RXRA: variants seen among roughly 807,000 people sequenced by gnomAD.
RXRA encodes the protein retinoid X receptor alpha.
In RXRA, 5 loss-of-function variants were observed where a neutral mutation model predicts 44.5. The ratio of observed to expected loss-of-function variants is 0.11; its 90% CI spans 0.06 to 0.24. RXRA has a LOEUF of 0.24. Among genes scored for constraint, RXRA ranks in the 10% least tolerant of loss-of-function variants. RXRA has a pLI of 1.00. For missense variants in RXRA, 412 were observed against 646.5 expected (o/e 0.64, Z 3.93); for synonymous variants, 291 against 271.4 (o/e 1.07, Z -0.71).
At position 134,417,362 on chromosome 9, in the gene RXRA, A is replaced by T. The variant is rs1166485960; in HGVS notation, c.780+35A>T. ...AGCCTGTGCAGGGGTGGGCAGCCTC[A>T]CATGCCTCAGTTTCCCTCACTCACT... On this transcript the variant is annotated intron_variant, in intron 5 of 9. Coordinates refer to ENST00000481739, the MANE Select transcript of RXRA (RefSeq NM_002957.6). The surrounding 1 kb of genome is among the most constrained non-coding windows in gnomAD (Gnocchi z 6.1). 3 of 1,602,652 alleles carry T rather than the reference A, an allele frequency of 1.9e-6. No homozygotes were observed. The highest frequency in any genetic ancestry group is 2.6e-6 in the Non-Finnish European group (3 of 1,172,260).
rs1367739117 is a variant in RXRA, at chr9:134,417,942, G to T, written c.780+615G>T. ...GGGTGGGCCGCAGCCCTGGTCCCGG[G>T]CTCTTCTCCTGGGCTGGCTCCAGCT... On this transcript the variant is annotated intron_variant, in intron 5 of 9. Coordinates refer to ENST00000481739, the MANE Select transcript of RXRA (RefSeq NM_002957.6). The surrounding 1 kb of genome is among the most constrained non-coding windows in gnomAD (Gnocchi z 6.1). Among the ~76,000 whole-genome samples, 1 of 152,128 alleles carries T rather than the reference G, an allele frequency of 6.6e-6. No individual in the cohort carries two copies. Among genetic ancestry groups the T allele is most frequent in the Non-Finnish European group, 1.5e-5 (1 of 68,008 alleles).
Position 134,434,115 on chromosome 9 carries a change from C to G in RXRA, c.1149C>G (p.Leu383=). ...TCTTCCTTTCAGACTCCAAGGGGCT[C>G]TCGAACCCGGCCGAGGTGGAGGCGC... The part of the protein sequence containing the change: ...IVLFNPDSKG[L]SNPAEVEALR... The change falls in exon 9 of 10, where the codon CTC becomes CTG. Residue 383 remains leucine (L), a synonymous_variant. Coordinates refer to ENST00000481739, the MANE Select transcript of RXRA (RefSeq NM_002957.6). 6.2e-7 allele frequency: 1 copy of G among 1,613,588 alleles called. No homozygotes were observed. Among genetic ancestry groups the G allele is most frequent in the South Asian group, 1.1e-5 (1 of 91,074 alleles).
Position 134,329,482 on chromosome 9 carries a change from A to G in RXRA, c.28+2823A>G, listed in dbSNP as rs527454889. 5.9e-5 allele frequency among the ~76,000 whole-genome samples: 9 copies of G among 152,260 alleles called. No individual in the cohort carries two copies. In the South Asian group the frequency reaches 1.4e-3, roughly 25 times the overall value. On this transcript the variant is annotated intron_variant, in intron 1 of 9. Coordinates refer to ENST00000481739, the MANE Select transcript of RXRA (RefSeq NM_002957.6). ...GGTGGCCCTGGCTTGCTAGCCTCCA[A>G]CCTTGCCTAGGGCTGGCTGCTGGGC...
chr9:134,331,566 C>T (rs1347526026), intron 1 of RXRA, among the ~76,000 whole-genome samples: 1 of 152,210 alleles, frequency 6.6e-6, no homozygotes, highest in Non-Finnish European at 1.5e-5. Context: ...GTTTGTTGGC[C>T]TCCTTTTTTT....
intron 1 of RXRA, among the ~76,000 whole-genome samples, chr9:134,364,257 G>A (rs968036128): frequency 6.6e-6 from 1 of 152,246 alleles, no homozygotes; most frequent in Non-Finnish European, 1.5e-5. Context: ...TGCGGTGGGA[G>A]CTTGTGCTGG....
chr9:134,350,892 C>T (rs1258448901), intron 1 of RXRA, among the ~76,000 whole-genome samples: 4 of 152,240 alleles, frequency 2.6e-5, no homozygotes, highest in Non-Finnish European at 4.4e-5. Context: ...CTCATCTGTA[C>T]CCAGGGCCAA....
chr9:134,415,177 C>T (rs889134582), intron 4 of RXRA, among the ~76,000 whole-genome samples: 16 of 152,194 alleles, frequency 1.1e-4, no homozygotes, highest in Admixed American at 9.8e-4. Flanking sequence ...GGAAGTCCCT[C>T]GCTCAAGCCA....
rs1201514378 is a variant in RXRA at position 134,422,430 on chromosome 9, T to G, written c.910+625T>G. On this transcript the variant is annotated intron_variant, in intron 6 of 9. Transcript: ENST00000481739. ...GTGACATTCCACTCTCCCTGGACGC[T>G]CCCCTCTCCCTAGACACTCCCTACT... The G allele has an allele frequency of 4.1e-6, 5 of 1,231,492 alleles. No homozygotes were observed. In the East Asian group the frequency reaches 2.5e-4, roughly 61 times the overall value. The allele number at this position is 1,231,492 out of a possible 1,614,324, so 76.3% of individuals were successfully genotyped here. A position where few individuals can be genotyped will look rare whatever the true frequency, so the allele number is the denominator to read the frequency against.
At position 134,374,593 on chromosome 9, in the gene RXRA, A is replaced by G. The variant is rs146400137; in HGVS notation, c.29-27039A>G. ...CCCAGACCAAACCCCCACAACCTCCACATGTTGAGCCCCGAGCAAATGCCG... is the reference window on the plus strand; with the variant it reads ...CCCAGACCAAACCCCCACAACCTCCGCATGTTGAGCCCCGAGCAAATGCCG... On this transcript the variant is annotated intron_variant, in intron 1 of 9. Transcript: ENST00000481739. 1.6e-4 allele frequency among the ~76,000 whole-genome samples: 24 copies of G among 152,206 alleles called. No individual in the cohort carries two copies. In the East Asian group the frequency reaches 3.1e-3, roughly 20 times the overall value.
At chr9:134,369,886 G>C (rs912611174) in intron 1 of RXRA, among the ~76,000 whole-genome samples, 1 of 152,194 alleles carries the variant, frequency 6.6e-6, no homozygotes, top group African/African-American at 2.4e-5. Context: ...ACAGTCCCGT[G>C]TGTGCGGGTG....
intron 1 of RXRA, among the ~76,000 whole-genome samples, chr9:134,330,314 C>T (rs1258943872): frequency 2.6e-5 from 4 of 152,218 alleles, no homozygotes; most frequent in Admixed American, 2.6e-4. Context: ...CTTTGGTGGC[C>T]AGGGCCTTGG....
At chr9:134,329,063 G>T (rs1834961522) in intron 1 of RXRA, among the ~76,000 whole-genome samples, 1 of 152,238 alleles carries the variant, frequency 6.6e-6, no homozygotes, top group Non-Finnish European at 1.5e-5. Context: ...ATCCTGAATG[G>T]TGGGACTCAG....
intron 4 of RXRA, among the ~76,000 whole-genome samples, chr9:134,411,016 C>G (rs1831139581): frequency 6.6e-6 from 1 of 152,182 alleles, no homozygotes; most frequent in South Asian, 2.1e-4. Flanking sequence ...GCCTCGGGCA[C>G]CCGGTGAGAC....
intron 1 of RXRA, among the ~76,000 whole-genome samples, chr9:134,338,061 C>G (rs918939113): frequency 2.8e-4 from 42 of 152,142 alleles, no homozygotes; most frequent in African/African-American, 9.7e-4. Flanking sequence ...GGGAGATGGG[C>G]GGTCAGCGGC....
At position 134,401,632 on chromosome 9, in the gene RXRA, A is replaced by G; in HGVS notation, c.29A>G (p.Asp10Gly). 1 of 1,612,560 alleles carries G rather than the reference A, an allele frequency of 6.2e-7. No individual in the cohort carries two copies. Among genetic ancestry groups the G allele is most frequent in the Non-Finnish European group, 8.5e-7 (1 of 1,179,824 alleles). The part of the protein sequence containing the change: MDTKHFLPL[D>G]FSTQVNSSLT... Reference sequence around the variant, plus strand: ...TCTCCTGCGGCTTCTTGTCTTGCAGATTTCTCCACCCAGGTGAACTCCTCC... The same window carrying G: ...TCTCCTGCGGCTTCTTGTCTTGCAGGTTTCTCCACCCAGGTGAACTCCTCC... Residue 10 changes from aspartate to glycine, a missense_variant and splice_region_variant, in exon 2 of 10, where the codon GAT (aspartate) becomes GGT (glycine). Asp to Gly is a moderately conservative substitution (Grantham distance 94). Transcript: ENST00000481739.
At chr9:134,392,450 C>T (rs1004493667) in intron 1 of RXRA, among the ~76,000 whole-genome samples, 100 of 152,328 alleles carry the variant, frequency 6.6e-4, no homozygotes, top group African/African-American at 2.3e-3. Context: ...CCTGAGCCCA[C>T]CTCCTCCCTG....
intron 1 of RXRA, among the ~76,000 whole-genome samples, chr9:134,376,493 C>T (rs62576341): frequency 5.1e-4 from 78 of 152,168 alleles, no homozygotes; most frequent in African/African-American, 1.8e-3. Flanking sequence ...CCCTGCCGCC[C>T]GCCACACTCT....
intron 1 of RXRA, among the ~76,000 whole-genome samples, chr9:134,346,543 T>A (rs1830154863): frequency 6.6e-6 from 1 of 152,134 alleles, no homozygotes; most frequent in Non-Finnish European, 1.5e-5. Context: ...CTCTCGTTAA[T>A]CTTCTTGACC....
chr9:134,389,936 G>C (rs1216567166), intron 1 of RXRA, among the ~76,000 whole-genome samples: 4 of 152,184 alleles, frequency 2.6e-5, no homozygotes, highest in Non-Finnish European at 5.9e-5. Flanking sequence ...CCTGCCACCT[G>C]TTCACCCTCG....
Sources: gnomAD v4.1 joint callset for allele counts (sites outside exome capture counted in the v4.1 genomes callset) on GRCh38, gnomAD v4.1.1 for gene constraint, Gnocchi (gnomAD v3.1) non-coding constraint, MANE v1.5 for transcripts, NCBI Gene and HGNC (gene_info 2026-07-23, HGNC 2026-07-21) for gene names.